ZNF420: variants seen among roughly 807,000 people sequenced by gnomAD.
ZNF420 encodes the protein ATM and p53-associated KZNF protein.
ZNF420 carries 31 observed loss-of-function variants against 44.7 expected under a neutral mutation model. The ratio of observed to expected loss-of-function variants is 0.69; its 90% CI spans 0.52 to 0.94. ZNF420 has a LOEUF of 0.94. Among genes scored for constraint, ZNF420 ranks in the 40% least tolerant of loss-of-function variants. ZNF420 has a pLI of 0.00. For synonymous variants in ZNF420, 245 were observed against 267.4 expected, an observed-to-expected ratio of 0.92 and a Z score of 0.82; for missense variants, 681 against 827.9, an observed-to-expected ratio of 0.82 and a Z score of 2.18.
chr19:37,036,521 C>G (rs1004029786), intron 1 of ZNF420, among the ~76,000 whole-genome samples: 16 of 152,314 alleles, frequency 1.1e-4, no homozygotes, highest in Admixed American at 3.3e-4. Flanking sequence ...ATCCTGAGAT[C>G]CAGCCCTCCA....
At position 37,016,997 on chromosome 19, in the gene ZNF420, T is replaced by C. The variant is rs557756227; in HGVS notation, c.-125+8915T>C. On this transcript the variant is annotated intron_variant, in intron 1 of 4. Transcript: ENST00000587029. ...GCTCCCAGAGAGAGACTTTTGCCAA[T>C]GGATAAGTGCAGAATTCTTACTATT... Among the ~76,000 whole-genome samples the C allele has an allele frequency of 2.6e-5, 4 of 152,268 alleles. No homozygotes were observed. In the South Asian group the frequency reaches 8.3e-4, roughly 32 times the overall value.
chr19:37,065,365 A>G (rs781096130), intron 1 of ZNF420, among the ~76,000 whole-genome samples: 56 of 152,338 alleles, frequency 3.7e-4, no homozygotes, highest in Non-Finnish European at 1.2e-4. Flanking sequence ...ATTATGTCAG[A>G]CATGCAAGCC....
chr19:37,038,468 C>T (rs911649073), intron 1 of ZNF420, among the ~76,000 whole-genome samples: 3 of 152,152 alleles, frequency 2.0e-5, no homozygotes, highest in Non-Finnish European at 4.4e-5. Flanking sequence ...AGCATCTTAC[C>T]CACGGTAGAA....
chr19:37,075,481 G>A (rs1968129289), upstream of ZNF420, among the ~76,000 whole-genome samples: 3 of 152,154 alleles, frequency 2.0e-5, no homozygotes, highest in Admixed American at 6.5e-5. Context: ...GGTAGCTCAC[G>A]TCTGTCATCC....
chr19:37,121,782 AC>A (rs1333079053), intron 4 of ZNF420, among the ~76,000 whole-genome samples: 1 of 152,222 alleles, frequency 6.6e-6, no homozygotes, highest in Non-Finnish European at 1.5e-5. Context: ...CAAGAAAAAA[AC>A]AACCCCATCA....
chr19:37,011,055 G>C (rs1318110110), intron 1 of ZNF420, among the ~76,000 whole-genome samples: 1 of 152,152 alleles, frequency 6.6e-6, no homozygotes, highest in Non-Finnish European at 1.5e-5. Flanking sequence ...TGTGGCGGTG[G>C]CACTGTGCTG....
At chr19:37,107,759 T>C (rs929676982) in intron 4 of ZNF420, 3 of 152,506 alleles carry the variant, frequency 2.0e-5, no homozygotes, top group South Asian at 2.1e-4. Flanking sequence ...GAACTTCCGA[T>C]GGTCTTAACC....
intron 3 of ZNF420, 41 bp downstream of exon 3, chr19:37,089,168 T>A (rs920216107): frequency 3.2e-6 from 5 of 1,578,432 alleles, no homozygotes; most frequent in Non-Finnish European, 4.4e-6. Flanking sequence ...CTTACTTTTT[T>A]ACAGAGCATG....
At chr19:37,108,772 A>C (rs1970231438) in intron 4 of ZNF420, among the ~76,000 whole-genome samples, 1 of 152,178 alleles carries the variant, frequency 6.6e-6, no homozygotes, top group Admixed American at 6.5e-5. Flanking sequence ...CTGTTAAGTC[A>C]CTATCAACAG....
At chr19:37,110,030 T>C (rs1970304965) in intron 4 of ZNF420, among the ~76,000 whole-genome samples, 1 of 152,344 alleles carries the variant, frequency 6.6e-6, no homozygotes, top group African/African-American at 2.4e-5. Context: ...TCCTGTTGTA[T>C]GTGTAATTTT....
At chr19:37,120,673 G>A (rs1219003144) in intron 4 of ZNF420, among the ~76,000 whole-genome samples, 1 of 151,978 alleles carries the variant, frequency 6.6e-6, no homozygotes, top group Non-Finnish European at 1.5e-5. Flanking sequence ...AGGAAAAGAG[G>A]AAGTCAAATT....
intron 1 of ZNF420, among the ~76,000 whole-genome samples, chr19:37,045,327 A>T (rs1412437332): frequency 1.3e-5 from 2 of 152,252 alleles, no homozygotes; most frequent in African/African-American, 4.8e-5. Context: ...GAATAAAGTG[A>T]TGAAGTCAAC....
At chr19:37,114,313 TC>T (rs202017786) in intron 4 of ZNF420, among the ~76,000 whole-genome samples, 1,998 of 152,326 alleles carry the variant, frequency 0.013, 47 homozygotes, top group African/African-American at 0.045. Context: ...GGGCGGCTGA[TC>T]CTGAAGTTCG....
chr19:37,089,175 C>T (rs747781328), intron 3 of ZNF420, 48 bp downstream of exon 3: 9 of 1,549,786 alleles, frequency 5.8e-6, no homozygotes, highest in Non-Finnish European at 8.0e-6. Context: ...TTTTACAGAG[C>T]ATGTGTGTGT....
chr19:37,076,810 C>A (rs952237264), upstream of ZNF420, among the ~76,000 whole-genome samples: 1 of 152,106 alleles, frequency 6.6e-6, no homozygotes, highest in Non-Finnish European at 1.5e-5. Flanking sequence ...TCTTTGCTAT[C>A]GTGAATAGTG....
At chr19:37,085,139 C>G (rs938626708) in intron 2 of ZNF420, among the ~76,000 whole-genome samples, 1 of 152,180 alleles carries the variant, frequency 6.6e-6, no homozygotes, top group African/African-American at 2.4e-5. Context: ...TTGCAGCTCA[C>G]AGAATCTGAT....
At chr19:37,116,083 A>G (rs1475796069) in intron 4 of ZNF420, among the ~76,000 whole-genome samples, 1 of 152,168 alleles carries the variant, frequency 6.6e-6, no homozygotes, top group Non-Finnish European at 1.5e-5. Context: ...TTTTCTTAGT[A>G]CAGAACAAAA....
At chr19:37,052,177 A>G (rs1409667124) in intron 1 of ZNF420, among the ~76,000 whole-genome samples, 29 of 150,844 alleles carry the variant, frequency 1.9e-4, no homozygotes, top group African/African-American at 6.4e-4. Flanking sequence ...AGAGACTAGG[A>G]TTGCAACCCC....
intron 1 of ZNF420, among the ~76,000 whole-genome samples, chr19:37,030,741 T>TC (rs1967243243): frequency 6.6e-6 from 1 of 152,220 alleles, no homozygotes; most frequent in African/African-American, 2.4e-5. Flanking sequence ...TATATAAGTA[T>TC]TTCTGTATTT....
Sources: allele counts gnomAD v4.1 joint callset (sites outside exome capture counted in the v4.1 genomes callset), GRCh38; gene constraint gnomAD v4.1.1; transcripts MANE v1.5; gene names NCBI Gene and HGNC (gene_info 2026-07-23, HGNC 2026-07-21).